Variants in MEP1A observed in about 807,000 individuals in gnomAD.
MEP1A encodes the protein N-benzoyl-L-tyrosyl-P-amino-benzoic acid hydrolase subunit alpha.
A neutral mutation model predicts 84.5 loss-of-function variants in MEP1A; 68 were observed. That is an observed-to-expected ratio of 0.80 (90% CI 0.66 to 0.98). The LOEUF is 0.98. Ranked by LOEUF, MEP1A falls within the 50% of genes least tolerant of loss-of-function variation. MEP1A has a pLI of 0.00. For synonymous variants in MEP1A, 337 were observed against 336.8 expected, an observed-to-expected ratio of 1.00 and a Z score of -0.01; for missense variants, 887 against 919.9, an observed-to-expected ratio of 0.96 and a Z score of 0.46.
At chr6:46,836,632 T>C (rs1768223271) in intron 13 of MEP1A, among the ~76,000 whole-genome samples, 1 of 152,186 alleles carries the variant, frequency 6.6e-6, no homozygotes. Context: ...TTCCCAGTTT[T>C]CCCACTAATG....
At chr6:46,816,833 C>A (rs1170877665) in intron 6 of MEP1A, among the ~76,000 whole-genome samples, 1 of 152,096 alleles carries the variant, frequency 6.6e-6, no homozygotes, top group Admixed American at 6.6e-5. Context: ...TCCTTGGCAA[C>A]CTGTATGACT....
chr6:46,800,957 T>A (rs1252854241), intron 5 of MEP1A, among the ~76,000 whole-genome samples: 2 of 152,212 alleles, frequency 1.3e-5, no homozygotes. Context: ...CTTATGTTTT[T>A]TAAGTTCTTC....
intron 13 of MEP1A, among the ~76,000 whole-genome samples, chr6:46,838,203 G>A (rs1335349820): frequency 1.3e-5 from 2 of 152,018 alleles, no homozygotes; most frequent in Non-Finnish European, 2.9e-5. Flanking sequence ...AGAAAATGCT[G>A]ACTTCTAATT....
rs1479130725 is a variant in MEP1A at position 46,834,692 on chromosome 6, T to G, written c.1724T>G (p.Met575Arg). Residue 575 changes from methionine to arginine, a missense_variant, in exon 12 of 14, where the codon ATG becomes AGG. Met to Arg is a moderately conservative substitution (Grantham distance 91). Coordinates refer to ENST00000230588, the MANE Select transcript of MEP1A (RefSeq NM_005588.3). ...TGGAGTGGTTTCATTTCCCACCAAA[T>G]GCTGAAAAGGAGGAGTTTCCTGAAA... ...LGWSGFISHQ[M>R]LKRRSFLKND... 2 of 1,611,330 alleles carry G rather than the reference T, an allele frequency of 1.2e-6. No individual in the cohort carries two copies. Among genetic ancestry groups the G allele is most frequent in the East Asian group, 4.5e-5 (2 of 44,840 alleles).
chr6:46,803,090 T>G (rs1304347093), intron 5 of MEP1A, among the ~76,000 whole-genome samples: 1 of 151,634 alleles, frequency 6.6e-6, no homozygotes, highest in African/African-American at 2.4e-5. Context: ...TGATCAAAAT[T>G]TTTTCTTTCT....
chr6:46,813,815 G>A (rs1767562337), intron 6 of MEP1A, among the ~76,000 whole-genome samples: 1 of 152,134 alleles, frequency 6.6e-6, no homozygotes, highest in South Asian at 2.1e-4. Context: ...ATTAAGCTTA[G>A]TTTCACCAGA....
chr6:46,829,380 G>GCAC lies in MEP1A; in HGVS notation c.956_958dup (p.Thr319dup). The stretch of plus-strand genomic sequence containing the variant: ...GGTGCCGGCTACTTCATGCAGTTCA[G>GCAC]CACCAGCTCGGGGTCCGCGGAAGAG... On this transcript the variant is annotated inframe_insertion, in exon 10 of 14. Coordinates refer to ENST00000230588, the MANE Select transcript of MEP1A (RefSeq NM_005588.3). The GCAC allele has an allele frequency of 6.2e-7, 1 of 1,613,676 alleles. No homozygotes were observed. Among genetic ancestry groups the GCAC allele is most frequent in the Non-Finnish European group, 8.5e-7 (1 of 1,180,034 alleles).
At chr6:46,815,044 T>G (rs913460834) in intron 6 of MEP1A, among the ~76,000 whole-genome samples, 1 of 152,190 alleles carries the variant, frequency 6.6e-6, no homozygotes, top group African/African-American at 2.4e-5. Context: ...AGGTGGCACT[T>G]TCAAGAGTGC....
chr6:46,802,500 ATTC>A (rs1441758350), intron 5 of MEP1A, among the ~76,000 whole-genome samples: 1 of 151,828 alleles, frequency 6.6e-6, no homozygotes, highest in Non-Finnish European at 1.5e-5. Flanking sequence ...TTTAGTAAAA[ATTC>A]TTCTTGCCTT....
rs1030520397 is a variant in MEP1A, at chr6:46,807,936, T to G, written c.263-1484T>G. Among the ~76,000 whole-genome samples, 7 of 152,076 alleles carry G rather than the reference T, an allele frequency of 4.6e-5. No homozygotes were observed. In the East Asian group the frequency reaches 7.7e-4, roughly 17 times the overall value. On this transcript the variant is annotated intron_variant, in intron 5 of 13. Transcript: ENST00000230588. Reference sequence around the variant, plus strand: ...GAGAAGAGAAAGACTTCAAATGGGCTCTGTTTCCATTTATCCCAATAATGT... The same window carrying G: ...GAGAAGAGAAAGACTTCAAATGGGCGCTGTTTCCATTTATCCCAATAATGT...
chr6:46,819,459 T>C (rs1164602573), intron 6 of MEP1A, 70 bp from the exon 7 acceptor site: 1 of 1,287,396 alleles, frequency 7.8e-7, no homozygotes, highest in East Asian at 2.4e-5. Context: ...AATTTGTGTT[T>C]TGGAGTACTG....
intron 6 of MEP1A, among the ~76,000 whole-genome samples, chr6:46,816,767 G>A (rs576695717): frequency 7.2e-5 from 11 of 152,268 alleles, no homozygotes; most frequent in African/African-American, 2.6e-4. Context: ...CAGCCTTTAG[G>A]ACTGCGGGCT....
In MEP1A at chr6:46,835,479, G is replaced by T. The variant is rs1276197659; in HGVS notation, c.2014G>T (p.Asp672Tyr). The change falls in exon 13 of 14, where the codon GAC (aspartate) becomes TAC (tyrosine). Residue 672 changes from aspartate to tyrosine, a missense_variant. Asp to Tyr is a radical substitution (Grantham distance 160, BLOSUM62 -3). Transcript: ENST00000230588. ...EDHNWPQYFRDPCDPNPCQND... is the reference protein window; with the variant it reads ...EDHNWPQYFRYPCDPNPCQND... ...CCATAACTGGCCACAGTACTTCAGA[G>T]ACCCATGTGACCCAAACCCTTGCCA... is the stretch of plus-strand genomic sequence containing the variant. 1.2e-6 allele frequency: 2 copies of T among 1,613,434 alleles called. No homozygotes were observed. The highest frequency in any genetic ancestry group is 2.2e-5 in the East Asian group (1 of 44,866).
chr6:46,816,453 G>A (rs1767637639), intron 6 of MEP1A, among the ~76,000 whole-genome samples: 1 of 151,954 alleles, frequency 6.6e-6, no homozygotes, highest in Non-Finnish European at 1.5e-5. Context: ...GCAAGAGTGG[G>A]GCCACTGAGA....
chr6:46,836,481 A>C (rs1768220790), intron 13 of MEP1A, among the ~76,000 whole-genome samples: 1 of 152,214 alleles, frequency 6.6e-6, no homozygotes, highest in Non-Finnish European at 1.5e-5. Flanking sequence ...CAATGCAAAA[A>C]TACTACAGAG....
At position 46,835,453 on chromosome 6, in the gene MEP1A, A is replaced by G; in HGVS notation, c.1988A>G (p.Asp663Gly). 1 of 1,612,826 alleles carries G rather than the reference A, an allele frequency of 6.2e-7. No homozygotes were observed. Among genetic ancestry groups the G allele is most frequent in the Non-Finnish European group, 8.5e-7 (1 of 1,179,524 alleles). Residue 663 changes from aspartate to glycine, a missense_variant, in exon 13 of 14, where the codon GAC (aspartate) becomes GGC (glycine). Transcript: ENST00000230588. Reference protein sequence around the residue: ...RSVENTGPLEDHNWPQYFRDP... With the variant: ...RSVENTGPLEGHNWPQYFRDP... The stretch of plus-strand genomic sequence containing the variant: ...GTGGAGAACACAGGCCCCCTGGAGG[A>G]CCATAACTGGCCACAGTACTTCAGA...
chr6:46,800,527 GA>G (rs774974650), intron 5 of MEP1A, among the ~76,000 whole-genome samples: 4 of 152,110 alleles, frequency 2.6e-5, no homozygotes, highest in Non-Finnish European at 5.9e-5. Flanking sequence ...TGAGACAAGT[GA>G]ACTGACATAA....
At chr6:46,833,665 C>T in intron 11 of MEP1A, 127 bp downstream of exon 11, 1 of 708,744 alleles carries the variant, frequency 1.4e-6, no homozygotes, top group Admixed American at 2.7e-5. Flanking sequence ...ATAACATAGT[C>T]TTGTTGGAGT....
intron 7 of MEP1A, among the ~76,000 whole-genome samples, chr6:46,824,551 A>T (rs915333343): frequency 7.1e-6 from 1 of 141,410 alleles, no homozygotes; most frequent in African/African-American, 2.6e-5. Flanking sequence ...TTAATATATA[A>T]ATTATATATT....
Sources: gnomAD v4.1 joint callset for allele counts (sites outside exome capture counted in the v4.1 genomes callset) on GRCh38, gnomAD v4.1.1 for gene constraint, MANE v1.5 for transcripts, NCBI Gene and HGNC (gene_info 2026-07-23, HGNC 2026-07-21) for gene names.